Variants in C4orf54 observed in about 807,000 individuals in gnomAD.
The protein encoded by C4orf54 is chromosome 4 open reading frame 54, also known as uncharacterized protein C4orf54.
In C4orf54, 67 loss-of-function variants were observed where a neutral mutation model predicts 80.1. The observed-to-expected ratio is 0.84, with a 90% CI of 0.69 to 1.03. The LOEUF is 1.03. Ranked by LOEUF, C4orf54 falls within the 50% of genes least tolerant of loss-of-function variation. C4orf54 has a pLI of 0.00. For synonymous variants in C4orf54, 1,000 were observed against 917.0 expected (o/e 1.09, Z -1.64); for missense variants, 2,434 against 2,253.5 (o/e 1.08, Z -1.62).
At chr4:99,643,350 A>T (rs1726636858) in intron 2 of C4orf54, among the ~76,000 whole-genome samples, 1 of 152,210 alleles carries the variant, frequency 6.6e-6, no homozygotes, top group Non-Finnish European at 1.5e-5. Context: ...AAGACTAGTT[A>T]CTTAGACTAG....
At chr4:99,654,812 G>A (rs928876914) in intron 1 of C4orf54, among the ~76,000 whole-genome samples, 133 bp from the exon 2 acceptor site, 27 of 152,290 alleles carry the variant, frequency 1.8e-4, no homozygotes, top group African/African-American at 6.0e-4. Flanking sequence ...TGGGGGTGGA[G>A]GAGGCATGTG....
In C4orf54 at chr4:99,649,442, G is replaced by A; in HGVS notation, c.5207C>T (p.Ala1736Val). 1 of 1,536,178 alleles carries A rather than the reference G, an allele frequency of 6.5e-7. No homozygotes were observed. The highest frequency in any genetic ancestry group is 8.7e-7 in the Non-Finnish European group (1 of 1,146,918). ...TGCTGGGGCTGAGGAGGTTGAGGAGGCCGGAGACTGACCAGAAGCCATGAA... is the reference window on the plus strand; with the variant it reads ...TGCTGGGGCTGAGGAGGTTGAGGAGACCGGAGACTGACCAGAAGCCATGAA... The part of the protein sequence containing the change: ...PYFMASGQSP[A>V]SSTSSAPAAT... Residue 1736 changes from alanine to valine, a missense_variant, in exon 2 of 3, where the codon GCC becomes GTC. Ala to Val is a moderately conservative substitution (Grantham distance 64). Coordinates refer to ENST00000511828, the MANE Select transcript of C4orf54 (RefSeq NM_001354435.2).
At chr4:99,644,193 T>C (rs1295203736) in intron 2 of C4orf54, among the ~76,000 whole-genome samples, 2 of 152,066 alleles carry the variant, frequency 1.3e-5, no homozygotes, top group Non-Finnish European at 2.9e-5. Flanking sequence ...AATGTTTAAT[T>C]TGTCAAACAG....
In C4orf54 at chr4:99,650,424, C is replaced by G. The variant is rs1221722055; in HGVS notation, c.4225G>C (p.Gly1409Arg). The G allele has an allele frequency of 2.0e-6, 3 of 1,535,942 alleles. No homozygotes were observed. In the African/African-American group the frequency reaches 4.1e-5, roughly 21 times the overall value. ...TVSASSIQKT[G>R]GVAGKFPQGP... Reference sequence around the variant, plus strand: ...TGTGGGAACTTGCCAGCGACACCCCCAGTTTTCTGGATGCTGCTGGCACTC... The same window carrying G: ...TGTGGGAACTTGCCAGCGACACCCCGAGTTTTCTGGATGCTGCTGGCACTC... The change falls in exon 2 of 3, where the codon GGG (glycine) becomes CGG (arginine). Residue 1409 changes from glycine to arginine, a missense_variant. Gly to Arg is a moderately radical substitution (Grantham distance 125). Coordinates refer to ENST00000511828, the MANE Select transcript of C4orf54 (RefSeq NM_001354435.2).
At chr4:99,645,888 T>C (rs953721291) in intron 2 of C4orf54, among the ~76,000 whole-genome samples, 10 of 152,170 alleles carry the variant, frequency 6.6e-5, no homozygotes, top group African/African-American at 2.4e-4. Context: ...TGTGCCTTAA[T>C]CACAATGTGA....
At chr4:99,657,287 C>T (rs1011404662) in intron 1 of C4orf54, among the ~76,000 whole-genome samples, 2 of 152,226 alleles carry the variant, frequency 1.3e-5, no homozygotes, top group African/African-American at 4.8e-5. Flanking sequence ...TCTGTCATGA[C>T]AACAGATTTC....
intron 2 of C4orf54, among the ~76,000 whole-genome samples, chr4:99,642,215 G>A (rs1726618465): frequency 6.6e-6 from 1 of 152,080 alleles, no homozygotes; most frequent in Non-Finnish European, 1.5e-5. Flanking sequence ...TCTACCTTAG[G>A]ACATAAAAAG....
At chr4:99,648,705 AGAG>A (rs1282327743) in intron 2 of C4orf54, among the ~76,000 whole-genome samples, 1 of 152,224 alleles carries the variant, frequency 6.6e-6, no homozygotes, top group African/African-American at 2.4e-5. Context: ...AGGAAGATAC[AGAG>A]GAGAAAGAAG....
At chr4:99,644,685 G>A (rs1333243390) in intron 2 of C4orf54, among the ~76,000 whole-genome samples, 1 of 151,756 alleles carries the variant, frequency 6.6e-6, no homozygotes, top group East Asian at 1.9e-4. Flanking sequence ...AGAACATTCA[G>A]GTGAGGGAGC....
rs1201821834 is a variant in C4orf54, at chr4:99,653,559, C to T, written c.1090G>A (p.Glu364Lys). 6.5e-7 allele frequency: 1 copy of T among 1,536,110 alleles called. No individual in the cohort carries two copies. Among genetic ancestry groups the T allele is most frequent in the East Asian group, 2.4e-5 (1 of 40,898 alleles). ...QGSRDPPKVE[E>K]AHYITTHEIQ... ...TCATGGGTGGTGATGTAGTGAGCCT[C>T]TTCGACTTTGGGGGGGTCCCTGCTG... Residue 364 changes from glutamate (E) to lysine (K), a missense_variant, in exon 2 of 3, where the codon GAG becomes AAG. Physicochemically the swap from Glu to Lys is moderately conservative, Grantham distance 56. Transcript: ENST00000511828.
rs1327406770 is a variant in C4orf54, at chr4:99,637,246, AG to A, written c.*3986del. The A allele has an allele frequency of 6.6e-6, 1 of 152,246 alleles. No homozygotes were observed. The highest frequency in any genetic ancestry group is 1.5e-5 in the Non-Finnish European group (1 of 68,030). 9.4% of individuals were successfully genotyped at this position (152,246 alleles called of 1,614,324 possible). A position where few individuals can be genotyped will look rare whatever the true frequency, so the allele number is the denominator to read the frequency against. On this transcript the variant is annotated 3_prime_UTR_variant, in exon 3 of 3. Coordinates refer to ENST00000511828, the MANE Select transcript of C4orf54 (RefSeq NM_001354435.2). The stretch of plus-strand genomic sequence containing the variant: ...TATTCTGCACCATTATGAATTAAAC[AG>A]GAATAAATCTAATAATGTGTTCTAG...
At chr4:99,656,944 G>A (rs942948532) in intron 1 of C4orf54, among the ~76,000 whole-genome samples, 8 of 152,170 alleles carry the variant, frequency 5.3e-5, no homozygotes, top group South Asian at 2.1e-4. Flanking sequence ...TTTCATCTGC[G>A]TGACCACACA....
intron 1 of C4orf54, among the ~76,000 whole-genome samples, 134 bp from the exon 2 acceptor site, chr4:99,654,813 G>A (rs1311893412): frequency 6.6e-6 from 1 of 152,162 alleles, no homozygotes; most frequent in Non-Finnish European, 1.5e-5. Flanking sequence ...GGGGGTGGAG[G>A]AGGCATGTGG....
At chr4:99,655,711 C>A (rs1726968454) in intron 1 of C4orf54, among the ~76,000 whole-genome samples, 1 of 152,200 alleles carries the variant, frequency 6.6e-6, no homozygotes, top group African/African-American at 2.4e-5. Context: ...ATCCTCAGAG[C>A]TGATTCCTTG....
intron 2 of C4orf54, among the ~76,000 whole-genome samples, chr4:99,642,067 A>G (rs759846257): frequency 5.3e-5 from 8 of 152,180 alleles, no homozygotes; most frequent in Non-Finnish European, 8.8e-5. Flanking sequence ...AAAGAAGTCT[A>G]TAAGAATAAT....
rs1232770656 is a variant in C4orf54, at chr4:99,649,573, C to T, written c.5076G>A (p.Leu1692=). ...FLPTVLPTNA[L]QPTPIARAPR... is the part of the protein sequence containing the mutation. ...GAGCGCGAGCAATTGGTGTGGGCTG[C>T]AGAGCATTGGTGGGCAGCACGGTAG... The change falls in exon 2 of 3, where the codon CTG becomes CTA. Residue 1692 remains leucine, a synonymous_variant. Coordinates refer to ENST00000511828, the MANE Select transcript of C4orf54 (RefSeq NM_001354435.2). 1.3e-6 allele frequency: 2 copies of T among 1,536,032 alleles called. No homozygotes were observed. Among genetic ancestry groups the T allele is most frequent in the Non-Finnish European group, 1.7e-6 (2 of 1,146,916 alleles).
chr4:99,644,348 G>A lies in C4orf54; in HGVS notation c.*37-3152C>T, dbSNP rs535680265. Reference sequence around the variant, plus strand: ...AAGAAAATGTAAAGGTAATGGAATCGTGAAGAAAGGTACAAAATAGTAAGC... The same window carrying A: ...AAGAAAATGTAAAGGTAATGGAATCATGAAGAAAGGTACAAAATAGTAAGC... On this transcript the variant is annotated intron_variant, in intron 2 of 2. Transcript: ENST00000511828. Among the ~76,000 whole-genome samples, 38 of 152,134 alleles carry A rather than the reference G, an allele frequency of 2.5e-4. No individual in the cohort carries two copies. In the South Asian group the frequency reaches 6.8e-3, roughly 27 times the overall value.
intron 2 of C4orf54, among the ~76,000 whole-genome samples, chr4:99,643,215 C>T (rs1222714661): frequency 6.6e-6 from 1 of 152,130 alleles, no homozygotes; most frequent in East Asian, 1.9e-4. Flanking sequence ...TGTGCTATGT[C>T]TTCTGTCATG....
At position 99,639,675 on chromosome 4, in the gene C4orf54, C is replaced by A. The variant is rs550285757; in HGVS notation, c.*1558G>T. 2 of 152,070 alleles carry A rather than the reference C, an allele frequency of 1.3e-5. No homozygotes were observed. Among genetic ancestry groups the A allele is most frequent in the South Asian group, 4.2e-4 (2 of 4,814 alleles). 9.4% of individuals were successfully genotyped at this position (152,070 alleles called of 1,614,324 possible). On this transcript the variant is annotated 3_prime_UTR_variant, in exon 3 of 3. Transcript: ENST00000511828. ...GAGAACTTTTTTTCAGAGTAAGATCCCTTAAAGGAAGGCCCTGAAAGTGAA... is the reference window on the plus strand; with the variant it reads ...GAGAACTTTTTTTCAGAGTAAGATCACTTAAAGGAAGGCCCTGAAAGTGAA...
Sources: allele counts gnomAD v4.1 joint callset (sites outside exome capture counted in the v4.1 genomes callset), GRCh38; gene constraint gnomAD v4.1.1; transcripts MANE v1.5; gene names NCBI Gene and HGNC (gene_info 2026-07-23, HGNC 2026-07-21).